Variants in PCDHGA7 observed in about 807,000 individuals in gnomAD.
PCDHGA7 encodes protocadherin gamma subfamily A, 7.
PCDHGA7 carries 44 observed loss-of-function variants against 58.3 expected under a neutral mutation model. The ratio of observed to expected loss-of-function variants is 0.75; its 90% CI spans 0.59 to 0.97. The LOEUF is 0.97. PCDHGA7 is among the 50% of genes least tolerant of loss of function. PCDHGA7 has a pLI of 0.00. For synonymous variants in PCDHGA7, 516 were observed against 504.2 expected (o/e 1.02, Z -0.31); for missense variants, 1,266 against 1,188.7 (o/e 1.06, Z -0.96).
intron 1 of PCDHGA7, chr5:141,392,605 CA>C (rs2092562177): frequency 1.9e-6 from 1 of 514,610 alleles, no homozygotes; most frequent in Admixed American, 3.7e-5. Context: ...TACTGGAAGA[CA>C]AATGCAACCG....
chr5:141,402,091 G>C (rs1453803021), intron 1 of PCDHGA7, among the ~76,000 whole-genome samples: 2 of 152,088 alleles, frequency 1.3e-5, no homozygotes, highest in Non-Finnish European at 2.9e-5. Context: ...TAGCAGAAAA[G>C]TTTAAGCAAT....
In PCDHGA7 at chr5:141,423,130, G is replaced by T. The variant is rs770258338; in HGVS notation, c.2424+37807G>T. The T allele has an allele frequency of 2.5e-6, 4 of 1,613,700 alleles. No homozygotes were observed. Among genetic ancestry groups the T allele is most frequent in the Non-Finnish European group, 2.5e-6 (3 of 1,179,952 alleles). ...GGTGCGTACAGCGCGGGCACTGCTG[G>T]ACAGAGACGCGCTCAAGCAGAGCCT... On this transcript the variant is annotated intron_variant, in intron 1 of 3. Coordinates refer to ENST00000518325, the MANE Select transcript of PCDHGA7 (RefSeq NM_018920.4).
chr5:141,390,179 A>G (rs1561630532), intron 1 of PCDHGA7: 1 of 1,614,044 alleles, frequency 6.2e-7, no homozygotes, highest in African/African-American at 1.3e-5. Flanking sequence ...TTAATTTCCT[A>G]AAATGTAGTG....
rs775012950 is a variant in PCDHGA7, at chr5:141,428,225, A to T, written c.2424+42902A>T. On this transcript the variant is annotated intron_variant, in intron 1 of 3. Coordinates refer to ENST00000518325, the MANE Select transcript of PCDHGA7 (RefSeq NM_018920.4). ...GCTACGCTTCACCTAGTCTTCGCAG[A>T]CAGCCTGCAGGAGGCACTGCCAGAC... is the stretch of plus-strand genomic sequence containing the variant. 19 of 1,156,574 alleles carry T rather than the reference A, an allele frequency of 1.6e-5. No homozygotes were observed. In the Admixed American group the frequency reaches 3.1e-4, roughly 19 times the overall value. 71.6% of individuals were successfully genotyped at this position (1,156,574 alleles called of 1,614,324 possible).
At position 141,384,523 on chromosome 5, in the gene PCDHGA7, C is replaced by T; in HGVS notation, c.1624C>T (p.Leu542Phe). Reference sequence around the variant, plus strand: ...TGCACATGACAGCGGGGACCCGCCTCTCAGCAGCAACATGTCACTGAGCCT... The same window carrying T: ...TGCACATGACAGCGGGGACCCGCCTTTCAGCAGCAACATGTCACTGAGCCT... ...VTAHDSGDPP[L>F]SSNMSLSLFV... is the part of the protein sequence containing the mutation. The change falls in exon 1 of 4, where the codon CTC becomes TTC. Residue 542 changes from leucine to phenylalanine, a missense_variant. Leu to Phe is a conservative substitution (Grantham distance 22). Transcript: ENST00000518325. 1.9e-6 allele frequency: 3 copies of T among 1,614,256 alleles called. No individual in the cohort carries two copies. Among genetic ancestry groups the T allele is most frequent in the South Asian group, 1.1e-5 (1 of 91,090 alleles).
At chr5:141,504,995 G>A (rs1214858212) in intron 2 of PCDHGA7, among the ~76,000 whole-genome samples, 6 of 151,980 alleles carry the variant, frequency 3.9e-5, no homozygotes, top group African/African-American at 1.5e-4. Context: ...AACCCCGTCT[G>A]TACTAAAAAT....
Position 141,500,251 on chromosome 5 carries a change from C to T in PCDHGA7, c.2484-5142C>T, listed in dbSNP as rs187199142. Among the ~76,000 whole-genome samples, 1,493 of 151,438 alleles carry T rather than the reference C, an allele frequency of 9.9e-3. 32 individuals are homozygous for T. Among genetic ancestry groups the T allele is most frequent in the African/African-American group, 0.035 (1,426 of 41,214 alleles). Reference sequence around the variant, plus strand: ...TGATACGTAGCCTTGCTCTGTCACCCAGGCTGGACTGCAGTGGCGCAATCT... The same window carrying T: ...TGATACGTAGCCTTGCTCTGTCACCTAGGCTGGACTGCAGTGGCGCAATCT... On this transcript the variant is annotated intron_variant, in intron 2 of 3. Coordinates refer to ENST00000518325, the MANE Select transcript of PCDHGA7 (RefSeq NM_018920.4).
At chr5:141,451,703 A>C (rs975120935) in intron 1 of PCDHGA7, among the ~76,000 whole-genome samples, 2 of 152,144 alleles carry the variant, frequency 1.3e-5, no homozygotes, top group Non-Finnish European at 2.9e-5. Context: ...GTAACATGAC[A>C]AAACCCTGCC....
intron 1 of PCDHGA7, chr5:141,399,285 C>G (rs751998465): frequency 6.2e-7 from 1 of 1,613,838 alleles, no homozygotes; most frequent in Non-Finnish European, 8.5e-7. Flanking sequence ...AAGGCGAAGT[C>G]CCTTTTAAGA....
chr5:141,433,106 G>C, intron 1 of PCDHGA7: 1 of 1,614,170 alleles, frequency 6.2e-7, no homozygotes, highest in Non-Finnish European at 8.5e-7. Flanking sequence ...CGTCAGCCAG[G>C]AGAGCTTTGA....
chr5:141,436,068 T>A (rs1343785335), intron 1 of PCDHGA7, among the ~76,000 whole-genome samples: 1 of 152,190 alleles, frequency 6.6e-6, no homozygotes, highest in Non-Finnish European at 1.5e-5. Flanking sequence ...ATTTAATAAG[T>A]ACAGTGTTCT....
At chr5:141,419,934 T>C (rs1427601115) in intron 1 of PCDHGA7, 3 of 1,613,952 alleles carry the variant, frequency 1.9e-6, no homozygotes, top group Non-Finnish European at 2.5e-6. Flanking sequence ...CAGTTTTACC[T>C]GGTGGTGGCC....
At chr5:141,423,219 T>C (rs775170753) in intron 1 of PCDHGA7, 3 of 1,613,752 alleles carry the variant, frequency 1.9e-6, no homozygotes, top group Admixed American at 1.7e-5. Flanking sequence ...TCACCGTGGC[T>C]GTGGCCGACA....
intron 1 of PCDHGA7, chr5:141,394,008 G>A: frequency 1.2e-6 from 2 of 1,613,330 alleles, no homozygotes; most frequent in South Asian, 2.2e-5. Context: ...AAAGTCAATA[G>A]GTAATTATTA....
rs1012028735 is a variant in PCDHGA7 at position 141,413,666 on chromosome 5, C to T, written c.2424+28343C>T. 4 of 1,613,666 alleles carry T rather than the reference C, an allele frequency of 2.5e-6. No individual in the cohort carries two copies. In the African/African-American group the frequency reaches 5.3e-5, roughly 22 times the overall value. On this transcript the variant is annotated intron_variant, in intron 1 of 3. Coordinates refer to ENST00000518325, the MANE Select transcript of PCDHGA7 (RefSeq NM_018920.4). ...TTTCCTCTCCCGGAAGCTATTGATC[C>T]GGATGTGGGCGTGAACTCCCTGCAG... is the stretch of plus-strand genomic sequence containing the variant.
chr5:141,478,013 C>G (rs768425714), intron 1 of PCDHGA7: 6 of 1,614,136 alleles, frequency 3.7e-6, no homozygotes. Flanking sequence ...TACTGCCCGT[C>G]CAGTCCAAGA....
chr5:141,418,810 A>G lies in PCDHGA7; in HGVS notation c.2424+33487A>G, dbSNP rs149866479. The G allele has an allele frequency of 4.9e-3, 7,975 of 1,613,892 alleles. 44 individuals carry two copies. Among genetic ancestry groups the G allele is most frequent in the Admixed American group, 9.4e-3 (567 of 60,018 alleles). On this transcript the variant is annotated intron_variant, in intron 1 of 3. Coordinates refer to ENST00000518325, the MANE Select transcript of PCDHGA7 (RefSeq NM_018920.4). ...TTGAAGAAGTAGAAAGATATACGAT[A>G]AACATAGAAGCAAAAGACCGAGGAT...
chr5:141,421,665 C>T, intron 1 of PCDHGA7: 1 of 1,613,854 alleles, frequency 6.2e-7, no homozygotes, highest in African/African-American at 1.3e-5. Context: ...TCAGTGAGCA[C>T]GCAATTCCTG....
Position 141,490,975 on chromosome 5 carries a change from C to T in PCDHGA7, c.2425-3832C>T. 1 of 1,614,056 alleles carries T rather than the reference C, an allele frequency of 6.2e-7. No individual in the cohort carries two copies. Among genetic ancestry groups the T allele is most frequent in the African/African-American group, 1.3e-5 (1 of 75,070 alleles). ...CTGGGAACACTCAGCCCCCCAGCGT[C>T]TCCCTCGCTCTGCTCCTCCTGGCTC... On this transcript the variant is annotated intron_variant, in intron 1 of 3. Coordinates refer to ENST00000518325, the MANE Select transcript of PCDHGA7 (RefSeq NM_018920.4). This position sits in a 1 kb window ranked among gnomAD's most constrained non-coding sequence, Gnocchi z 5.4.
Sources: gnomAD v4.1 joint callset for allele counts (sites outside exome capture counted in the v4.1 genomes callset) on GRCh38, gnomAD v4.1.1 for gene constraint, Gnocchi (gnomAD v3.1) non-coding constraint, MANE v1.5 for transcripts, NCBI Gene and HGNC (gene_info 2026-07-23, HGNC 2026-07-21) for gene names.